Variants in ZFPM2 observed in about 807,000 individuals in gnomAD.
The protein encoded by ZFPM2 is zinc finger protein ZFPM2.
A neutral mutation model predicts 98.6 loss-of-function variants in ZFPM2; 20 were observed. The observed-to-expected ratio is 0.20, with a 90% CI of 0.14 to 0.29. ZFPM2 has a LOEUF of 0.29. Ranked by LOEUF, ZFPM2 falls within the 10% of genes least tolerant of loss-of-function variation. ZFPM2 has a pLI of 1.00. For synonymous variants in ZFPM2, 518 were observed against 502.7 expected (o/e 1.03, Z -0.41); for missense variants, 1,310 against 1,388.6 (o/e 0.94, Z 0.90).
intron 1 of ZFPM2, among the ~76,000 whole-genome samples, chr8:105,390,540 A>G (rs540662541): frequency 2.6e-5 from 4 of 152,266 alleles, no homozygotes; most frequent in African/African-American, 7.2e-5. Flanking sequence ...TTACATAGGC[A>G]TGATTAATTG....
At chr8:105,587,929 CT>C (rs1206115549) in intron 4 of ZFPM2, among the ~76,000 whole-genome samples, 2 of 152,016 alleles carry the variant, frequency 1.3e-5, no homozygotes, top group African/African-American at 4.8e-5. Context: ...AAAATTGCCC[CT>C]AGCTGAGAAC....
intron 1 of ZFPM2, among the ~76,000 whole-genome samples, chr8:105,377,888 A>T (rs2129850709): frequency 6.6e-6 from 1 of 152,222 alleles, no homozygotes; most frequent in East Asian, 1.9e-4. Flanking sequence ...TCTTAACAAC[A>T]ATTTGATTTC....
intron 5 of ZFPM2, among the ~76,000 whole-genome samples, chr8:105,751,510 T>C (rs1358068834): frequency 2.6e-5 from 4 of 152,100 alleles, no homozygotes; most frequent in Non-Finnish European, 5.9e-5. Context: ...CACAATCTGC[T>C]GCAGCCTGTG....
At chr8:105,489,512 A>G (rs928717968) in intron 3 of ZFPM2, among the ~76,000 whole-genome samples, 17 of 138,906 alleles carry the variant, frequency 1.2e-4, no homozygotes, top group African/African-American at 4.7e-4. Flanking sequence ...TGCCCAGGCT[A>G]GAGTGCAGTG....
Position 105,551,895 on chromosome 8 carries a change from C to T in ZFPM2, c.302-9468C>T, listed in dbSNP as rs75591060. On this transcript the variant is annotated intron_variant, in intron 3 of 7. Coordinates refer to ENST00000407775, the MANE Select transcript of ZFPM2 (RefSeq NM_012082.4). ...TATCAAGCTAACACAGGATCTAGCA[C>T]GTCTACAAACAAACAAGTATATGTG... 4.2e-3 allele frequency among the ~76,000 whole-genome samples: 640 copies of T among 152,178 alleles called. 4 individuals carry two copies. The highest frequency in any genetic ancestry group is 0.014 in the African/African-American group (598 of 41,510).
intron 1 of ZFPM2, among the ~76,000 whole-genome samples, chr8:105,410,379 GC>G (rs942281419): frequency 1.1e-4 from 17 of 151,898 alleles, no homozygotes; most frequent in African/African-American, 4.1e-4. Flanking sequence ...AAACTTGGTC[GC>G]CAAAGCCCTT....
intron 5 of ZFPM2, among the ~76,000 whole-genome samples, chr8:105,775,130 C>A (rs1334792530): frequency 3.5e-5 from 5 of 143,478 alleles, no homozygotes; most frequent in African/African-American, 1.3e-4. Context: ...GACAAGCTGA[C>A]AAAGGAATAG....
At position 105,318,892 on chromosome 8, in the gene ZFPM2, C is replaced by G; in HGVS notation, c.-50C>G. On this transcript the variant is annotated 5_prime_UTR_variant, in exon 1 of 8. Coordinates refer to ENST00000407775, the MANE Select transcript of ZFPM2 (RefSeq NM_012082.4). ...GCGGCGGGAGCCGAGGGAGCGGCAG[C>G]CGCGACCGCGGGCACCGCGGGAGCC... 9.0e-7 allele frequency: 1 copy of G among 1,110,238 alleles called. No homozygotes were observed. Among genetic ancestry groups the G allele is most frequent in the Non-Finnish European group, 1.2e-6 (1 of 854,716 alleles). 68.8% of individuals were successfully genotyped at this position (1,110,238 alleles called of 1,614,324 possible). A position where few individuals can be genotyped will look rare whatever the true frequency, so the allele number is the denominator to read the frequency against.
In ZFPM2 at chr8:105,688,464, A is replaced by G. The variant is rs575739919; in HGVS notation, c.532+54107A>G. Among the ~76,000 whole-genome samples the G allele has an allele frequency of 5.1e-4, 78 of 152,278 alleles. No homozygotes were observed. The South Asian group carries it at 7.4e-3, about 15-fold the overall frequency. On this transcript the variant is annotated intron_variant, in intron 5 of 7. Coordinates refer to ENST00000407775, the MANE Select transcript of ZFPM2 (RefSeq NM_012082.4). The stretch of plus-strand genomic sequence containing the variant: ...AAAATTATTTGACACTAGTTGCTTC[A>G]TTTATGGAATATATAAACATGTAAA...
chr8:105,619,451 G>T (rs570737789), intron 4 of ZFPM2, among the ~76,000 whole-genome samples: 1 of 151,890 alleles, frequency 6.6e-6, no homozygotes, highest in African/African-American at 2.4e-5. Flanking sequence ...ATTCTACATA[G>T]TAGATAACCT....
chr8:105,786,463 G>A (rs754274081), intron 5 of ZFPM2, among the ~76,000 whole-genome samples: 1 of 152,138 alleles, frequency 6.6e-6, no homozygotes, highest in African/African-American at 2.4e-5. Context: ...CGAATGATTT[G>A]AAAGATTAAA....
chr8:105,605,714 G>A (rs1336384629), intron 4 of ZFPM2, among the ~76,000 whole-genome samples: 3 of 152,042 alleles, frequency 2.0e-5, no homozygotes, highest in Non-Finnish European at 4.4e-5. Flanking sequence ...TGAGAAAATG[G>A]GGTAAGAAAG....
chr8:105,753,062 C>T (rs552363003), intron 5 of ZFPM2, among the ~76,000 whole-genome samples: 25 of 152,192 alleles, frequency 1.6e-4, no homozygotes, highest in East Asian at 7.8e-4. Context: ...GCAGGATCAA[C>T]GTGAGAGGCC....
intron 5 of ZFPM2, among the ~76,000 whole-genome samples, chr8:105,709,881 G>T (rs1811340856): frequency 6.6e-6 from 1 of 152,162 alleles, no homozygotes; most frequent in Admixed American, 6.6e-5. Context: ...ACCCATTTCA[G>T]AGGGGTTTGC....
intron 3 of ZFPM2, among the ~76,000 whole-genome samples, chr8:105,537,765 T>C (rs985709269): frequency 6.6e-6 from 1 of 152,024 alleles, no homozygotes; most frequent in African/African-American, 2.4e-5. Context: ...GGAATCTTGC[T>C]CTGTCACCAG....
intron 2 of ZFPM2, among the ~76,000 whole-genome samples, chr8:105,419,569 G>A (rs1469312293): frequency 6.6e-6 from 1 of 152,040 alleles, no homozygotes; most frequent in Non-Finnish European, 1.5e-5. Flanking sequence ...CCAATTAACT[G>A]TGATATATTT....
intron 1 of ZFPM2, among the ~76,000 whole-genome samples, chr8:105,339,973 T>C (rs1375655605): frequency 2.0e-5 from 3 of 151,956 alleles, no homozygotes; most frequent in Non-Finnish European, 4.4e-5. Flanking sequence ...TAAGGTCTGT[T>C]GTTACAGGAT....
chr8:105,689,607 A>T (rs1356754351), intron 5 of ZFPM2, among the ~76,000 whole-genome samples: 1 of 152,202 alleles, frequency 6.6e-6, no homozygotes, highest in Non-Finnish European at 1.5e-5. Flanking sequence ...ACAAGTTGAA[A>T]ACTGTTGAAT....
chr8:105,386,042 G>GA (rs1219121276), intron 1 of ZFPM2, among the ~76,000 whole-genome samples: 1 of 152,114 alleles, frequency 6.6e-6, no homozygotes, highest in African/African-American at 2.4e-5. Context: ...TAGTTATTGT[G>GA]AATATTAAAT....
Sources: allele counts gnomAD v4.1 joint callset (sites outside exome capture counted in the v4.1 genomes callset), GRCh38; gene constraint gnomAD v4.1.1; transcripts MANE v1.5; gene names NCBI Gene and HGNC (gene_info 2026-07-23, HGNC 2026-07-21).